KDM6B: variants seen among roughly 807,000 people sequenced by gnomAD.
KDM6B encodes lysine demethylase 6B.
A neutral mutation model predicts 150.4 loss-of-function variants in KDM6B; 22 were observed. The ratio of observed to expected loss-of-function variants is 0.15; its 90% confidence interval spans 0.10 to 0.21. KDM6B has a LOEUF of 0.21. Among genes scored for constraint, KDM6B ranks in the 10% least tolerant of loss-of-function variants. The pLI is 1.00. For missense variants in KDM6B, 1,984 were observed against 2,234.3 expected (o/e 0.89, Z 2.26); for synonymous variants, 1,148 against 921.1 (o/e 1.25, Z -4.46).
In KDM6B at chr17:7,852,043, A is replaced by C. The variant is rs1467902738; in HGVS notation, c.4258A>C (p.Thr1420Pro). ...CGCGGTGCACGAGCACTACTGGGAG[A>C]CCATCAGCGCTTTCTGTGATCGGTG... ...WFAVHEHYWE[T>P]ISAFCDRHGV... The change falls in exon 19 of 24, where the codon ACC (threonine) becomes CCC (proline). Residue 1420 changes from threonine to proline, a missense_variant. By Grantham distance (38) the Thr-to-Pro change is conservative (BLOSUM62 -1). Coordinates refer to ENST00000448097, the MANE Select transcript of KDM6B (RefSeq NM_001348716.2). 1 of 1,613,876 alleles carries C rather than the reference A, an allele frequency of 6.2e-7. No homozygotes were observed. The highest frequency in any genetic ancestry group is 8.5e-7 in the Non-Finnish European group (1 of 1,179,996).
Position 7,847,401 on chromosome 17 carries a change from TAGCAGC to T in KDM6B, c.1214_1219del (p.Ser405_Ser406del), listed in dbSNP as rs762814813. The T allele has an allele frequency of 9.3e-6, 15 of 1,613,300 alleles. No individual in the cohort carries two copies. Among genetic ancestry groups the T allele is most frequent in the Admixed American group, 5.0e-5 (3 of 59,988 alleles). On this transcript the variant is annotated inframe_deletion, in exon 11 of 24. Transcript: ENST00000448097. ...CCGGCACCACCACCAGCAGCAGCAG[TAGCAGC>T]AGCAGCAACACTGGTCTCCGGGGCG... is the stretch of plus-strand genomic sequence containing the variant.
rs771692170 is a variant in KDM6B at position 7,847,689 on chromosome 17, A to T, written c.1401A>T (p.Ser467=). 1 of 1,493,470 alleles carries T rather than the reference A, an allele frequency of 6.7e-7. No individual in the cohort carries two copies. The highest frequency in any genetic ancestry group is 1.6e-5 in the African/African-American group (1 of 61,010). 92.5% of individuals were successfully genotyped at this position (1,493,470 alleles called of 1,614,324 possible). The part of the protein sequence containing the change: ...PHLSLPPGPS[S]PPPPPCPRLL... The stretch of plus-strand genomic sequence containing the variant: ...TATCCCTGCCACCTGGACCTTCCTC[A>T]CCCCCTCCACCCCCCTGTCCCCGCC... Residue 467 remains serine, a synonymous_variant, in exon 12 of 24, where the codon TCA becomes TCT. Transcript: ENST00000448097.
rs1256511359 is a variant in KDM6B, at chr17:7,848,862, G to T, written c.2574G>T (p.Gln858His). 3.1e-6 allele frequency: 5 copies of T among 1,611,148 alleles called. No individual in the cohort carries two copies. Among genetic ancestry groups the T allele is most frequent in the Non-Finnish European group, 4.2e-6 (5 of 1,179,024 alleles). Reference protein sequence around the residue: ...LPPTSAAPSAQGSPQPSASSS... With the variant: ...LPPTSAAPSAHGSPQPSASSS... Reference sequence around the variant, plus strand: ...CCACCTCAGCGGCCCCTAGCGCCCAGGGCTCCCCACAGCCCTCTGCTTCCT... The same window carrying T: ...CCACCTCAGCGGCCCCTAGCGCCCATGGCTCCCCACAGCCCTCTGCTTCCT... The change falls in exon 12 of 24, where the codon CAG becomes CAT. Residue 858 changes from glutamine (Q) to histidine (H), a missense_variant. Gln to His is a conservative substitution (Grantham distance 24). Around this residue, in one of 13 missense-constraint regions of KDM6B, gnomAD observed 1,379 missense variants for 1,275.6 expected, o/e 1.08. Coordinates refer to ENST00000448097, the MANE Select transcript of KDM6B (RefSeq NM_001348716.2).
At chr17:7,846,029 C>A in intron 6 of KDM6B, 49 bp from the exon 7 acceptor site, 1 of 1,581,168 alleles carries the variant, frequency 6.3e-7, no homozygotes, top group Non-Finnish European at 8.6e-7. Context: ...TTGAAAGAGT[C>A]CCCTCAAGCC....
At position 7,846,159 on chromosome 17, in the gene KDM6B, G is replaced by A; in HGVS notation, c.318G>A (p.Gln106=). The A allele has an allele frequency of 3.7e-6, 6 of 1,611,692 alleles. No homozygotes were observed. Among genetic ancestry groups the A allele is most frequent in the Non-Finnish European group, 4.2e-6 (5 of 1,178,742 alleles). The change falls in exon 7 of 24, where the codon CAG becomes CAA. Residue 106 remains glutamine, a synonymous_variant. Transcript: ENST00000448097. The part of the protein sequence containing the change: ...CVQALLREPA[Q]PGLWEQLGQL... ...AGGCATTGCTCCGGGAGCCAGCCCA[G>A]CCAGGGCTTTGGGAACAGCTTGGGC...
Position 7,854,737 on chromosome 17 carries a change from C to A in KDM6B, c.*1216C>A. 3.6e-6 allele frequency: 1 copy of A among 274,420 alleles called. No individual in the cohort carries two copies. The highest frequency in any genetic ancestry group is 7.1e-6 in the Non-Finnish European group (1 of 140,988). The allele number at this position is 274,420 out of a possible 1,614,324, so 17.0% of individuals were successfully genotyped here. ...GCAGAGGGGTCTTCCCAACCCTACC[C>A]CTATTTTCGGTGATTTTTGTGTGAG... On this transcript the variant is annotated 3_prime_UTR_variant, in exon 24 of 24. Transcript: ENST00000448097.
Position 7,851,376 on chromosome 17 carries a change from C to G in KDM6B, c.3926C>G (p.Thr1309Ser), listed in dbSNP as rs1440829828. Reference sequence around the variant, plus strand: ...GAGGAGTCAGAGGAGCCAGACAGCACCACTGGAACCCCTCCTAGGTACTGT... The same window carrying G: ...GAGGAGTCAGAGGAGCCAGACAGCAGCACTGGAACCCCTCCTAGGTACTGT... ...EDEESEEPDS[T>S]TGTPPSSAPD... Residue 1309 changes from threonine to serine, a missense_variant, in exon 16 of 24, where the codon ACC becomes AGC. By Grantham distance (58) the Thr-to-Ser change is moderately conservative (BLOSUM62 1). Around this residue, in one of 13 missense-constraint regions of KDM6B, gnomAD observed 41 missense variants for 38.4 expected, o/e 1.07. Transcript: ENST00000448097. 1 of 1,614,192 alleles carries G rather than the reference C, an allele frequency of 6.2e-7. No homozygotes were observed. The highest frequency in any genetic ancestry group is 1.1e-5 in the South Asian group (1 of 91,082).
chr17:7,849,096 C>T lies in KDM6B; in HGVS notation c.2808C>T (p.Ala936=), dbSNP rs770735685. The T allele has an allele frequency of 1.7e-5, 27 of 1,612,504 alleles. No individual in the cohort carries two copies. Among genetic ancestry groups the T allele is most frequent in the South Asian group, 7.7e-5 (7 of 91,070 alleles). ...TGGGCCGGAGTGCCACTGACCCAGC[C>T]GACCCAGTGGACACAGCAGAGCCAG... The part of the protein sequence containing the change: ...ERVGRSATDP[A]DPVDTAEPAD... The change falls in exon 12 of 24, where the codon GCC becomes GCT. Residue 936 remains alanine, a synonymous_variant. Transcript: ENST00000448097.
chr17:7,842,251 C>G (rs988484391), intron 2 of KDM6B, among the ~76,000 whole-genome samples: 1 of 152,082 alleles, frequency 6.6e-6, no homozygotes, highest in South Asian at 2.1e-4. Context: ...GTTAAAGTCC[C>G]GAGTCCAGGG....
intron 5 of KDM6B, 69 bp from the exon 6 acceptor site, chr17:7,845,802 GC>G: frequency 6.3e-7 from 1 of 1,581,978 alleles, no homozygotes; most frequent in African/African-American, 1.3e-5. Context: ...CCGTGCATCA[GC>G]CCCCTCCTGC....
chr17:7,842,586 G>T (rs900409604), intron 2 of KDM6B, among the ~76,000 whole-genome samples: 2 of 152,198 alleles, frequency 1.3e-5, no homozygotes, highest in African/African-American at 2.4e-5. Context: ...AGGTGAGAGT[G>T]GAGCGCGAGC....
At chr17:7,846,371 G>GGGGGGGGGCCCCCCCCCCC in intron 7 of KDM6B, 29 bp from the exon 8 acceptor site, 1 of 1,488,920 alleles carries the variant, frequency 6.7e-7, no homozygotes, top group Non-Finnish European at 9.2e-7. Context: ...CCTGACATCT[G>GGGGGGGGGCCCCCCCCCCC]CCCCTGCCCC....
At chr17:7,835,859 C>T (rs2078326120) in intron 1 of KDM6B, among the ~76,000 whole-genome samples, 1 of 152,050 alleles carries the variant, frequency 6.6e-6, no homozygotes, top group Non-Finnish European at 1.5e-5. Flanking sequence ...CTGCGCTCTT[C>T]AGCCCCTGGG....
chr17:7,847,778 A>G lies in KDM6B; in HGVS notation c.1490A>G (p.Asp497Gly). ...KGPACRAARE[D>G]GEILEELFFG... Reference sequence around the variant, plus strand: ...CCGGCCTGCCGGGCAGCCCGAGAGGATGGAGAGATCTTAGAAGAGCTCTTC... The same window carrying G: ...CCGGCCTGCCGGGCAGCCCGAGAGGGTGGAGAGATCTTAGAAGAGCTCTTC... Residue 497 changes from aspartate (D) to glycine (G), a missense_variant, in exon 12 of 24, where the codon GAT becomes GGT. Physicochemically the swap from Asp to Gly is moderately conservative, Grantham distance 94. Transcript: ENST00000448097. The G allele has an allele frequency of 1.4e-6, 2 of 1,434,454 alleles. No homozygotes were observed. Among genetic ancestry groups the G allele is most frequent in the Non-Finnish European group, 1.9e-6 (2 of 1,075,910 alleles). The allele number at this position is 1,434,454 out of a possible 1,614,324, so 88.9% of individuals were successfully genotyped here. A position where few individuals can be genotyped will look rare whatever the true frequency, so the allele number is the denominator to read the frequency against.
intron 2 of KDM6B, among the ~76,000 whole-genome samples, chr17:7,842,102 G>A (rs1434318851): frequency 6.6e-6 from 1 of 152,232 alleles, no homozygotes; most frequent in Non-Finnish European, 1.5e-5. Context: ...GCGCACTTCA[G>A]GCCTCTTACC....
At chr17:7,852,866 G>C (rs79731523) in intron 21 of KDM6B, 134 bp from the exon 22 acceptor site, 6 of 1,331,608 alleles carry the variant, frequency 4.5e-6, no homozygotes, top group East Asian at 2.3e-5. Context: ...CAGGACAGAG[G>C]ATGTGACCTA....
In KDM6B at chr17:7,853,700, A is replaced by G. The variant is rs2078752384; in HGVS notation, c.*179A>G. 3 of 378,726 alleles carry G rather than the reference A, an allele frequency of 7.9e-6. No individual in the cohort carries two copies. In the East Asian group the frequency reaches 1.4e-4, roughly 17 times the overall value. The allele number at this position is 378,726 out of a possible 1,614,324, so 23.5% of individuals were successfully genotyped here. On this transcript the variant is annotated 3_prime_UTR_variant, in exon 24 of 24. Coordinates refer to ENST00000448097, the MANE Select transcript of KDM6B (RefSeq NM_001348716.2). ...GAAAAACTTTTTTTTTTTTTTTAGC[A>G]AATATGAGGAAAAAAGGAAAAAAAA...
At position 7,847,427 on chromosome 17, in the gene KDM6B, G is replaced by C. The variant is rs199635992; in HGVS notation, c.1232G>C (p.Arg411Pro). The C allele has an allele frequency of 9.3e-6, 15 of 1,613,662 alleles. No homozygotes were observed. Among genetic ancestry groups the C allele is most frequent in the Non-Finnish European group, 1.3e-5 (15 of 1,179,978 alleles). The stretch of plus-strand genomic sequence containing the variant: ...AGCAGCAGCAGCAACACTGGTCTCC[G>C]GGGCGTGGAGCCGAACCCAGGCATT... Reference protein sequence around the residue: ...SSSSSSNTGLRGVEPNPGIPG... With the variant: ...SSSSSSNTGLPGVEPNPGIPG... The change falls in exon 11 of 24, where the codon CGG (arginine) becomes CCG (proline). Residue 411 changes from arginine to proline, a missense_variant. This residue lies in a region of KDM6B where 1,379 missense variants were observed against 1,275.6 expected (regional missense o/e 1.08). Transcript: ENST00000448097.
In KDM6B at chr17:7,853,082, G is replaced by A. The variant is rs1426696215; in HGVS notation, c.4693G>A (p.Gly1565Ser). 5.6e-6 allele frequency: 9 copies of A among 1,614,024 alleles called. No homozygotes were observed. In the Admixed American group the frequency reaches 1.2e-4, roughly 21 times the overall value. ...VRAGKKIAYQGRVKDEPAYYC... is the reference protein window; with the variant it reads ...VRAGKKIAYQSRVKDEPAYYC... The stretch of plus-strand genomic sequence containing the variant: ...GGCAGGGAAGAAAATCGCTTACCAG[G>A]GCCGTGTCAAGGACGAGCCAGCCTA... Residue 1565 changes from glycine to serine, a missense_variant, in exon 22 of 24, where the codon GGC becomes AGC. Coordinates refer to ENST00000448097, the MANE Select transcript of KDM6B (RefSeq NM_001348716.2).
Sources: gnomAD v4.1 joint callset for allele counts (sites outside exome capture counted in the v4.1 genomes callset) on GRCh38, gnomAD v4.1.1 for gene constraint, gnomAD v4.1.1 regional missense constraint, MANE v1.5 for transcripts, NCBI Gene and HGNC (gene_info 2026-07-23, HGNC 2026-07-21) for gene names.